Variants in GRIN2D observed in about 807,000 individuals in gnomAD.
GRIN2D encodes the protein glutamate ionotropic receptor NMDA type subunit 2D.
Under a neutral mutation model 103.2 loss-of-function variants are expected in GRIN2D, and 37 were observed. That is an observed-to-expected ratio of 0.36 (90% CI 0.28 to 0.47). The LOEUF (loss-of-function observed/expected upper bound fraction) is 0.47. Among genes scored for constraint, GRIN2D ranks in the 20% least tolerant of loss-of-function variants. GRIN2D has a pLI of 1.00. For synonymous variants in GRIN2D, 845 were observed against 885.6 expected, an observed-to-expected ratio of 0.95 and a Z score of 0.81; for missense variants, 1,557 against 1,910.6, an observed-to-expected ratio of 0.81 and a Z score of 3.45.
Position 48,419,443 on chromosome 19 carries a change from G to T in GRIN2D, c.1861+84G>T, listed in dbSNP as rs10406134. 6,629 of 1,514,060 alleles carry T rather than the reference G, an allele frequency of 4.4e-3. 244 individuals carry two copies. The African/African-American group carries it at 0.078, about 18-fold the overall frequency. The allele number at this position is 1,514,060 out of a possible 1,614,324, so 93.8% of individuals were successfully genotyped here. ...CTACATTTCCCAGCAGCCCCTGGAG[G>T]GGGGGCGGTCAAGCTAGGGCCTCTC... On this transcript the variant is annotated intron_variant, in intron 9 of 13. Transcript: ENST00000263269.
rs757085096 is a variant in GRIN2D at position 48,405,027 on chromosome 19, C to T, written c.759C>T (p.Ala253=). The T allele has an allele frequency of 3.7e-6, 6 of 1,612,046 alleles. No individual in the cohort carries two copies. The highest frequency in any genetic ancestry group is 2.2e-5 in the East Asian group (1 of 44,862). Residue 253 remains alanine (A), a synonymous_variant, in exon 4 of 14, where the codon GCC becomes GCT. Coordinates refer to ENST00000263269, the MANE Select transcript of GRIN2D (RefSeq NM_000836.4). The surrounding 1 kb of genome is among the most constrained non-coding windows in gnomAD (Gnocchi z 5.1). The part of the protein sequence containing the change: ...IRLLFCAREE[A]EPVFRAAEEA... The stretch of plus-strand genomic sequence containing the variant: ...TGCTCTTCTGCGCCCGAGAGGAGGC[C>T]GAGCCCGTGTTCCGCGCAGCTGAGG...
At chr19:48,419,498 G>A in intron 9 of GRIN2D, 87 bp from the exon 10 acceptor site, 1 of 1,380,346 alleles carries the variant, frequency 7.2e-7, no homozygotes, top group Non-Finnish European at 9.9e-7. Context: ...GAGGGCCACT[G>A]GGAATTGTAG....
chr19:48,431,585 C>CTT (rs1377100099), intron 11 of GRIN2D, among the ~76,000 whole-genome samples: 12 of 140,284 alleles, frequency 8.6e-5, no homozygotes, highest in African/African-American at 1.0e-4. Flanking sequence ...ATCTGTTTCC[C>CTT]TTTTTTTTTT....
intron 4 of GRIN2D, among the ~76,000 whole-genome samples, chr19:48,406,054 T>C (rs1970788240): frequency 6.6e-6 from 1 of 152,198 alleles, no homozygotes; most frequent in Admixed American, 6.6e-5. Context: ...GCTGGCTTAC[T>C]GGTTGTTGAC....
intron 11 of GRIN2D, among the ~76,000 whole-genome samples, chr19:48,427,458 CT>C (rs1971100464): frequency 1.3e-5 from 2 of 150,000 alleles, no homozygotes; most frequent in South Asian, 4.2e-4. Context: ...GGGATCATTC[CT>C]ATATCTTCTT....
Position 48,442,995 on chromosome 19 carries a change from C to G in GRIN2D, c.3069C>G (p.Ala1023=). Residue 1023 remains alanine, a synonymous_variant, in exon 14 of 14, where the codon GCC becomes GCG. Coordinates refer to ENST00000263269, the MANE Select transcript of GRIN2D (RefSeq NM_000836.4). The surrounding 1 kb of genome is among the most constrained non-coding windows in gnomAD (Gnocchi z 7.2). ...AGCCAGCCGAGCCCCCCGCCGGCGC[C>G]TTCCCCGGCTTCCCGTCGCCGCCCG... The part of the protein sequence containing the change: ...DKEPAEPPAG[A]FPGFPSPPAP... 1 of 1,094,836 alleles carries G rather than the reference C, an allele frequency of 9.1e-7. No homozygotes were observed. Among genetic ancestry groups the G allele is most frequent in the Non-Finnish European group, 1.1e-6 (1 of 898,478 alleles). The allele number at this position is 1,094,836 out of a possible 1,614,324, so 67.8% of individuals were successfully genotyped here.
At chr19:48,400,751 G>T (rs1600968963) in intron 3 of GRIN2D, among the ~76,000 whole-genome samples, 1 of 152,122 alleles carries the variant, frequency 6.6e-6, no homozygotes, top group Non-Finnish European at 1.5e-5. Context: ...GAAGGAAGAG[G>T]TTCTCCTTGC....
intron 4 of GRIN2D, among the ~76,000 whole-genome samples, chr19:48,409,873 C>T (rs770688182): frequency 6.6e-5 from 10 of 151,876 alleles, no homozygotes; most frequent in Non-Finnish European, 1.3e-4. Context: ...CTCAACCTCC[C>T]TCCCGGGTTT....
intron 11 of GRIN2D, among the ~76,000 whole-genome samples, chr19:48,431,222 A>G (rs1223563441): frequency 6.6e-6 from 1 of 151,940 alleles, no homozygotes; most frequent in Admixed American, 6.6e-5. Context: ...TCATCCCTTC[A>G]TCTCTGGTTT....
chr19:48,423,926 C>A (rs1350294871), intron 11 of GRIN2D, among the ~76,000 whole-genome samples: 1 of 152,122 alleles, frequency 6.6e-6, no homozygotes, highest in African/African-American at 2.4e-5. Flanking sequence ...TCAAGCAATT[C>A]TCCCACCTCA....
chr19:48,420,013 C>T (rs1465687089), intron 10 of GRIN2D, among the ~76,000 whole-genome samples, 199 bp downstream of exon 10: 1 of 151,964 alleles, frequency 6.6e-6, no homozygotes, highest in Non-Finnish European at 1.5e-5. Context: ...ACACGGTTCA[C>T]GATGAGCTAT....
At chr19:48,397,506 T>C (rs1970657783) in intron 2 of GRIN2D, among the ~76,000 whole-genome samples, 1 of 151,840 alleles carries the variant, frequency 6.6e-6, no homozygotes, top group African/African-American at 2.4e-5. Flanking sequence ...TCTCAATTGT[T>C]TCCCCATCCT....
chr19:48,408,679 G>A (rs377643146), intron 4 of GRIN2D, among the ~76,000 whole-genome samples: 3 of 151,908 alleles, frequency 2.0e-5, no homozygotes, highest in South Asian at 4.2e-4. Context: ...ACTTAGCCGG[G>A]CGTGGTGACA....
intron 4 of GRIN2D, among the ~76,000 whole-genome samples, chr19:48,411,543 G>A (rs956712146): frequency 1.3e-5 from 2 of 151,884 alleles, no homozygotes; most frequent in Admixed American, 6.6e-5. Context: ...CAGCTACTCA[G>A]GAGGCTGAGG....
intron 11 of GRIN2D, among the ~76,000 whole-genome samples, chr19:48,427,604 G>A (rs1212767357): frequency 6.8e-6 from 1 of 146,106 alleles, no homozygotes; most frequent in African/African-American, 2.5e-5. Context: ...TCAGCCTCCT[G>A]AGTAGCTGGG....
intron 2 of GRIN2D, among the ~76,000 whole-genome samples, chr19:48,398,036 T>G (rs1970663283): frequency 6.7e-6 from 1 of 149,954 alleles, no homozygotes; most frequent in South Asian, 2.1e-4. Flanking sequence ...TGTGTCTGTC[T>G]CTCCCTCTGT....
chr19:48,396,501 T>A (rs2147431803), intron 2 of GRIN2D, among the ~76,000 whole-genome samples: 1 of 144,462 alleles, frequency 6.9e-6, no homozygotes. Flanking sequence ...GAGGGGAGCG[T>A]GAGTGTTAAC....
chr19:48,425,252 C>CT (rs1373965917), intron 11 of GRIN2D, among the ~76,000 whole-genome samples: 6 of 151,964 alleles, frequency 3.9e-5, no homozygotes, highest in Admixed American at 3.3e-4. Context: ...ATCCCATTTT[C>CT]TTTTTTTGAG....
chr19:48,433,415 A>G (rs945417823), intron 11 of GRIN2D, among the ~76,000 whole-genome samples: 5 of 152,168 alleles, frequency 3.3e-5, no homozygotes, highest in African/African-American at 1.2e-4. Flanking sequence ...TTAAATGCAA[A>G]TAGCCATATG....
Sources: allele counts gnomAD v4.1 joint callset (sites outside exome capture counted in the v4.1 genomes callset), GRCh38; gene constraint gnomAD v4.1.1; non-coding constraint Gnocchi (gnomAD v3.1); transcripts MANE v1.5; gene names NCBI Gene and HGNC (gene_info 2026-07-23, HGNC 2026-07-21).